Variants in AGBL4 observed in about 807,000 individuals in gnomAD.
AGBL4 encodes AGBL carboxypeptidase 4.
AGBL4 carries 58 observed loss-of-function variants against 66.4 expected under a neutral mutation model. The observed-to-expected ratio is 0.87, with a 90% CI of 0.71 to 1.09. The LOEUF is 1.09. AGBL4 is among the 50% of genes least tolerant of loss of function. The pLI is 0.00. For missense variants in AGBL4, 579 were observed against 631.0 expected, an observed-to-expected ratio of 0.92 and a Z score of 0.88; for synonymous variants, 234 against 222.9, an observed-to-expected ratio of 1.05 and a Z score of -0.44.
intron 2 of AGBL4, among the ~76,000 whole-genome samples, chr1:49,773,222 G>A (rs903493922): frequency 1.3e-5 from 2 of 152,082 alleles, no homozygotes; most frequent in African/African-American, 4.8e-5. Flanking sequence ...TTCTCATTCA[G>A]ATCATGAATT....
chr1:49,348,878 C>T (rs1371166622), intron 3 of AGBL4, among the ~76,000 whole-genome samples: 3 of 152,096 alleles, frequency 2.0e-5, no homozygotes, highest in African/African-American at 2.4e-5. Flanking sequence ...GGAACACACA[C>T]GTCATATGTT....
At chr1:49,926,924 C>T (rs1169737573) in intron 1 of AGBL4, among the ~76,000 whole-genome samples, 1 of 152,058 alleles carries the variant, frequency 6.6e-6, no homozygotes, top group Non-Finnish European at 1.5e-5. Flanking sequence ...CAAGATACCA[C>T]AATAGGCCAT....
intron 2 of AGBL4, among the ~76,000 whole-genome samples, chr1:49,829,655 T>C (rs917830282): frequency 1.3e-5 from 2 of 152,122 alleles, no homozygotes; most frequent in African/African-American, 2.4e-5. Context: ...CCGGAAAACA[T>C]GTGCGGAACG....
chr1:48,955,717 G>A (rs1317513775), intron 5 of AGBL4, among the ~76,000 whole-genome samples: 1 of 152,090 alleles, frequency 6.6e-6, no homozygotes, highest in Non-Finnish European at 1.5e-5. Context: ...TGGTATAATT[G>A]AAAAAACGAG....
chr1:49,144,147 C>T (rs553180504), intron 4 of AGBL4, among the ~76,000 whole-genome samples: 2 of 152,142 alleles, frequency 1.3e-5, no homozygotes, highest in African/African-American at 2.4e-5. Flanking sequence ...GCTCCAAGCA[C>T]TGTTAACTTG....
At chr1:49,598,076 G>A (rs945039132) in intron 3 of AGBL4, among the ~76,000 whole-genome samples, 1 of 152,046 alleles carries the variant, frequency 6.6e-6, no homozygotes, top group African/African-American at 2.4e-5. Flanking sequence ...GGTTAGAGAG[G>A]GCATCCTTGT....
chr1:49,004,839 T>A (rs1420458084), intron 5 of AGBL4, among the ~76,000 whole-genome samples: 1 of 152,204 alleles, frequency 6.6e-6, no homozygotes, highest in African/African-American at 2.4e-5. Context: ...AGGCCCACAA[T>A]ATGTATATGA....
intron 6 of AGBL4, among the ~76,000 whole-genome samples, chr1:48,806,674 G>T (rs964284592): frequency 1.3e-5 from 2 of 152,198 alleles, no homozygotes; most frequent in Non-Finnish European, 2.9e-5. Context: ...GACACAAAGA[G>T]CAACAGCAAG....
intron 7 of AGBL4, among the ~76,000 whole-genome samples, chr1:48,655,185 G>A (rs58595250): frequency 0.12 from 18,745 of 152,224 alleles, 2,300 homozygotes; most frequent in African/African-American, 0.32. Flanking sequence ...GCTGCCCAGA[G>A]CTCCCTCTCC....
At chr1:48,719,814 A>G (rs1181257559) in intron 6 of AGBL4, among the ~76,000 whole-genome samples, 1 of 152,212 alleles carries the variant, frequency 6.6e-6, no homozygotes, top group Non-Finnish European at 1.5e-5. Context: ...CTGAGTCCCA[A>G]ACCAAATAAG....
intron 5 of AGBL4, among the ~76,000 whole-genome samples, chr1:48,970,684 G>A (rs1658829919): frequency 6.6e-6 from 1 of 152,138 alleles, no homozygotes; most frequent in Non-Finnish European, 1.5e-5. Context: ...TATTTTGACA[G>A]TCCTCAGAAA....
chr1:48,940,164 G>A (rs1286668488), intron 5 of AGBL4, among the ~76,000 whole-genome samples: 1 of 152,192 alleles, frequency 6.6e-6, no homozygotes, highest in Non-Finnish European at 1.5e-5. Flanking sequence ...CAGATCACGA[G>A]GTCAGGAGTT....
rs367886834 is a variant in AGBL4 at position 49,039,239 on chromosome 1, C to A, written c.594+6345G>T. On this transcript the variant is annotated intron_variant, in intron 5 of 13. Coordinates refer to ENST00000371839, the MANE Select transcript of AGBL4 (RefSeq NM_032785.4). ...TGATTTTTGGAACAATGAAACTAAT[C>A]TGTATATATTAAAATGGTGGACACA... is the stretch of plus-strand genomic sequence containing the variant. 1.2e-4 allele frequency among the ~76,000 whole-genome samples: 19 copies of A among 152,146 alleles called. No individual in the cohort carries two copies. The East Asian group carries it at 2.5e-3, about 20-fold the overall frequency.
chr1:49,975,845 A>G (rs932328339), intron 1 of AGBL4, among the ~76,000 whole-genome samples: 3 of 152,192 alleles, frequency 2.0e-5, no homozygotes, highest in Admixed American at 2.0e-4. Context: ...TATTATTATT[A>G]CTACTACTAA....
intron 6 of AGBL4, among the ~76,000 whole-genome samples, chr1:48,715,684 A>G (rs899557784): frequency 2.7e-5 from 2 of 73,276 alleles, no homozygotes; most frequent in African/African-American, 9.0e-5. Flanking sequence ...TGCCTTTAAC[A>G]CAGTGGGGAG....
chr1:48,922,060 C>T (rs912385626), intron 5 of AGBL4, among the ~76,000 whole-genome samples: 2 of 152,218 alleles, frequency 1.3e-5, no homozygotes, highest in South Asian at 2.1e-4. Context: ...TTTGTTCAGG[C>T]AAGATCTTTG....
intron 5 of AGBL4, among the ~76,000 whole-genome samples, chr1:49,027,312 C>T (rs950697841): frequency 6.6e-6 from 1 of 151,900 alleles, no homozygotes; most frequent in Admixed American, 6.6e-5. Context: ...AGGTGTGTGC[C>T]ATGACACACA....
intron 3 of AGBL4, among the ~76,000 whole-genome samples, chr1:49,383,437 A>G (rs1364453495): frequency 6.6e-6 from 1 of 152,212 alleles, no homozygotes; most frequent in East Asian, 1.9e-4. Flanking sequence ...TGATACTAGC[A>G]TAAAGACAGA....
the AGBL4 span, among the ~76,000 whole-genome samples, chr1:48,524,860 T>G: frequency 2.0e-5 from 3 of 152,056 alleles, no homozygotes; most frequent in Admixed American, 6.6e-5. Flanking sequence ...TTTTTTTTTT[T>G]TTTTGTTTTT....
Sources: allele counts gnomAD v4.1 joint callset (sites outside exome capture counted in the v4.1 genomes callset), GRCh38; gene constraint gnomAD v4.1.1; transcripts MANE v1.5; gene names NCBI Gene and HGNC (gene_info 2026-07-23, HGNC 2026-07-21).